LPP: variants seen among roughly 807,000 people sequenced by gnomAD.
The protein encoded by LPP is LIM domain containing preferred translocation partner in lipoma, also known as lipoma-preferred partner.
A neutral mutation model predicts 60.4 loss-of-function variants in LPP; 38 were observed. The ratio of observed to expected loss-of-function variants is 0.63; its 90% CI spans 0.49 to 0.83. The LOEUF (loss-of-function observed/expected upper bound fraction) is 0.83, where lower values mean the gene tolerates loss of function less well. Ranked by LOEUF, LPP falls within the 40% of genes least tolerant of loss-of-function variation. The pLI is 0.00. For missense variants in LPP, 902 were observed against 783.6 expected (o/e 1.15, Z -1.80); for synonymous variants, 328 against 290.8 (o/e 1.13, Z -1.30).
At chr3:188,775,785 CA>C (rs1413546652) in intron 9 of LPP, among the ~76,000 whole-genome samples, 1 of 152,180 alleles carries the variant, frequency 6.6e-6, no homozygotes, top group Admixed American at 6.5e-5. Context: ...ACAGGTTAAG[CA>C]TAACCATTAA....
At chr3:188,656,018 C>T (rs1051684198) in intron 7 of LPP, among the ~76,000 whole-genome samples, 1 of 151,660 alleles carries the variant, frequency 6.6e-6, no homozygotes, top group African/African-American at 2.4e-5. Flanking sequence ...GGTGAAACCC[C>T]GTCTCTACTA....
intron 3 of LPP, among the ~76,000 whole-genome samples, chr3:188,370,525 G>A (rs138620495): frequency 2.6e-5 from 4 of 152,080 alleles, no homozygotes; most frequent in Admixed American, 1.3e-4. Flanking sequence ...ATTAGATTCC[G>A]AGCATCTCGA....
intron 9 of LPP, among the ~76,000 whole-genome samples, chr3:188,795,575 G>T (rs1465140781): frequency 6.6e-6 from 1 of 152,108 alleles, no homozygotes; most frequent in Non-Finnish European, 1.5e-5. Context: ...CTATTGGCTG[G>T]GGCTCATTCA....
intron 9 of LPP, among the ~76,000 whole-genome samples, chr3:188,845,913 C>T (rs769772181): frequency 7.2e-5 from 11 of 152,220 alleles, no homozygotes; most frequent in African/African-American, 2.4e-4. Context: ...GTCCAAACTT[C>T]GAGGCTTTGT....
chr3:188,442,202 C>T (rs968158779), intron 4 of LPP, among the ~76,000 whole-genome samples: 4 of 152,072 alleles, frequency 2.6e-5, no homozygotes, highest in Admixed American at 2.6e-4. Flanking sequence ...TATACATGTG[C>T]CATGTTGGTT....
intron 2 of LPP, among the ~76,000 whole-genome samples, chr3:188,243,124 AAGAC>A (rs1016197371): frequency 2.0e-5 from 3 of 152,220 alleles, no homozygotes; most frequent in African/African-American, 4.8e-5. Context: ...TAACAAAAAA[AAGAC>A]AGAAAAATAC....
intron 6 of LPP, among the ~76,000 whole-genome samples, chr3:188,595,207 G>A (rs1411179327): frequency 6.6e-6 from 1 of 152,224 alleles, no homozygotes; most frequent in Middle Eastern, 3.4e-3. Context: ...AACAATATAA[G>A]TGAATTTGTT....
intron 7 of LPP, among the ~76,000 whole-genome samples, chr3:188,650,732 A>T (rs2148962755): frequency 6.6e-6 from 1 of 152,328 alleles, no homozygotes; most frequent in Non-Finnish European, 1.5e-5. Context: ...TGACTTGGAA[A>T]TAGAAAAGAA....
At position 188,382,424 on chromosome 3, in the gene LPP, A is replaced by T. The variant is rs879655194; in HGVS notation, c.-9-23688A>T. Reference sequence around the variant, plus strand: ...CATCAAATTCTAAGTTAATAAAATGAGATTAATAATAATGTCTACCCTGTC... The same window carrying T: ...CATCAAATTCTAAGTTAATAAAATGTGATTAATAATAATGTCTACCCTGTC... On this transcript the variant is annotated intron_variant, in intron 3 of 11. Transcript: ENST00000617246. 2.9e-4 allele frequency among the ~76,000 whole-genome samples: 44 copies of T among 152,232 alleles called. 1 individual carries two copies. The highest frequency in any genetic ancestry group is 6.5e-4 in the Admixed American group (10 of 15,282).
At chr3:188,501,615 G>C (rs1404007718) in intron 5 of LPP, among the ~76,000 whole-genome samples, 2 of 152,194 alleles carry the variant, frequency 1.3e-5, no homozygotes, top group African/African-American at 4.8e-5. Context: ...CGGGCGTGGT[G>C]GCGGGCACCT....
intron 7 of LPP, among the ~76,000 whole-genome samples, chr3:188,697,589 C>G (rs908785581): frequency 6.6e-6 from 1 of 152,084 alleles, no homozygotes; most frequent in Non-Finnish European, 1.5e-5. Flanking sequence ...AGGTTCATAC[C>G]TGAAAATACT....
rs73050794 is a variant in LPP, at chr3:188,434,154, G to A, written c.193+27841G>A. Among the ~76,000 whole-genome samples the A allele has an allele frequency of 8.8e-3, 1,345 of 152,228 alleles. 19 individuals are homozygous for A. The highest frequency in any genetic ancestry group is 0.031 in the African/African-American group (1,299 of 41,534). The stretch of plus-strand genomic sequence containing the variant: ...GTAGCAGTCAGTTCTACAGCTTACT[G>A]CAGTCTTTATAGTAATGACTTTCGA... On this transcript the variant is annotated intron_variant, in intron 4 of 11. Transcript: ENST00000617246.
chr3:188,816,004 C>T (rs1214170335), intron 9 of LPP, among the ~76,000 whole-genome samples: 1 of 152,118 alleles, frequency 6.6e-6, no homozygotes, highest in East Asian at 1.9e-4. Flanking sequence ...ACATCAAGCT[C>T]AGGTGACTTT....
rs1717392673 is a variant in LPP at position 188,225,495 on chromosome 3, G to A, written c.-99G>A. Reference sequence around the variant, plus strand: ...TGCTTTTTTCATTGTTCCACTGGACGCTCATCAGAGGGAAGATCTTTTTCC... The same window carrying A: ...TGCTTTTTTCATTGTTCCACTGGACACTCATCAGAGGGAAGATCTTTTTCC... On this transcript the variant is annotated 5_prime_UTR_variant, in exon 2 of 12. Transcript: ENST00000617246. The A allele has an allele frequency of 6.6e-6, 1 of 152,156 alleles. No individual in the cohort carries two copies. Among genetic ancestry groups the A allele is most frequent in the South Asian group, 2.1e-4 (1 of 4,834 alleles). 9.4% of individuals were successfully genotyped at this position (152,156 alleles called of 1,614,324 possible).
At chr3:188,347,019 T>C (rs1362183780) in intron 3 of LPP, among the ~76,000 whole-genome samples, 3 of 152,356 alleles carry the variant, frequency 2.0e-5, no homozygotes, top group Non-Finnish European at 2.9e-5. Flanking sequence ...TGCTAAATGC[T>C]AGACATCTCA....
intron 3 of LPP, among the ~76,000 whole-genome samples, chr3:188,357,514 CT>C (rs751498907): frequency 1.3e-5 from 2 of 152,162 alleles, no homozygotes; most frequent in Admixed American, 1.3e-4. Flanking sequence ...CAGGAATATT[CT>C]TTTTTTAAGT....
At chr3:188,646,270 G>T (rs1851087944) in intron 7 of LPP, among the ~76,000 whole-genome samples, 1 of 152,080 alleles carries the variant, frequency 6.6e-6, no homozygotes, top group Admixed American at 6.6e-5. Flanking sequence ...ACCAAGGATG[G>T]TCAGCCAGAA....
In LPP at chr3:188,160,567, C is replaced by T. The variant is rs920330655; in HGVS notation, c.-190+6315C>T. ...GAGTTTCCAGCCTTTCTGTCTCTGC[C>T]TGTTGTAAACCTGTGATTCTAGGAT... On this transcript the variant is annotated intron_variant, in intron 1 of 11. Transcript: ENST00000617246. 3.9e-5 allele frequency among the ~76,000 whole-genome samples: 6 copies of T among 152,326 alleles called. No homozygotes were observed. In the South Asian group the frequency reaches 1.0e-3, roughly 26 times the overall value.
At chr3:188,645,496 A>C (rs879439998) in intron 7 of LPP, among the ~76,000 whole-genome samples, 1 of 152,118 alleles carries the variant, frequency 6.6e-6, no homozygotes, top group Non-Finnish European at 1.5e-5. Flanking sequence ...AAGAAATATA[A>C]GGCTCAAAAT....
Sources: allele counts gnomAD v4.1 joint callset (sites outside exome capture counted in the v4.1 genomes callset), GRCh38; gene constraint gnomAD v4.1.1; transcripts MANE v1.5; gene names NCBI Gene and HGNC (gene_info 2026-07-23, HGNC 2026-07-21).